The following TNIK variants were observed in gnomAD, a reference collection of about 807,000 sequenced individuals.
TNIK encodes TRAF2 and NCK-interacting protein kinase.
In TNIK, 49 loss-of-function variants were observed where a neutral mutation model predicts 191.3. The observed-to-expected ratio is 0.26, with a 90% CI of 0.20 to 0.32. TNIK has a LOEUF of 0.32. Among genes scored for constraint, TNIK ranks in the 10% least tolerant of loss-of-function variants. TNIK has a pLI of 1.00. For synonymous variants in TNIK, 594 were observed against 600.9 expected (o/e 0.99, Z 0.17); for missense variants, 1,155 against 1,702.3 (o/e 0.68, Z 5.66).
chr3:171,316,051 C>T (rs910200341), intron 2 of TNIK, among the ~76,000 whole-genome samples: 1 of 152,022 alleles, frequency 6.6e-6, no homozygotes, highest in Non-Finnish European at 1.5e-5. Context: ...AGCCTAGAGA[C>T]AGAGACCCAT....
In TNIK at chr3:171,431,892, C is replaced by T. The variant is rs891481587; in HGVS notation, c.57+28115G>A. The stretch of plus-strand genomic sequence containing the variant: ...GGCAAATCCCAAGACTAGTTAATTA[C>T]CTCTTTTTGAGAATGCATACACAGA... On this transcript the variant is annotated intron_variant, in intron 1 of 32. Transcript: ENST00000436636. Among the ~76,000 whole-genome samples, 5 of 152,230 alleles carry T rather than the reference C, an allele frequency of 3.3e-5. 1 individual carries two copies. The highest frequency in any genetic ancestry group is 2.0e-4 in the Admixed American group (3 of 15,270).
At chr3:171,380,048 C>T (rs1213027087) in intron 1 of TNIK, among the ~76,000 whole-genome samples, 1 of 151,436 alleles carries the variant, frequency 6.6e-6, no homozygotes, top group South Asian at 2.1e-4. Flanking sequence ...CACACACACA[C>T]ACACACACAC....
chr3:171,341,965 C>A (rs1757579234), intron 2 of TNIK, among the ~76,000 whole-genome samples: 1 of 152,152 alleles, frequency 6.6e-6, no homozygotes, highest in African/African-American at 2.4e-5. Flanking sequence ...CATGTATTTT[C>A]AAGATGTTTT....
At chr3:171,294,315 T>G (rs146188556) in intron 2 of TNIK, among the ~76,000 whole-genome samples, 5 of 152,144 alleles carry the variant, frequency 3.3e-5, no homozygotes, top group African/African-American at 1.2e-4. Context: ...CCTAGATACT[T>G]CAGGAGGCTG....
At chr3:171,433,850 T>C (rs1725667502) in intron 1 of TNIK, among the ~76,000 whole-genome samples, 1 of 151,768 alleles carries the variant, frequency 6.6e-6, no homozygotes, top group Non-Finnish European at 1.5e-5. Flanking sequence ...TTTTTCTTCA[T>C]ATAAGTCCTG....
chr3:171,343,203 G>A (rs1317452257), intron 2 of TNIK, among the ~76,000 whole-genome samples: 2 of 152,176 alleles, frequency 1.3e-5, no homozygotes. Context: ...AGCATGGAGA[G>A]GGGTGAGCCG....
At chr3:171,211,304 C>T in intron 3 of TNIK, 63 bp from the exon 4 acceptor site, 1 of 1,516,050 alleles carries the variant, frequency 6.6e-7, no homozygotes, top group Admixed American at 2.2e-5. Flanking sequence ...GGATTCTGTT[C>T]TTCAACACCA....
At chr3:171,392,327 T>A (rs1719641627) in intron 1 of TNIK, among the ~76,000 whole-genome samples, 2 of 152,142 alleles carry the variant, frequency 1.3e-5, no homozygotes, top group Non-Finnish European at 2.9e-5. Context: ...CTGGTCACAA[T>A]GTCTAAACTG....
chr3:171,425,615 C>T (rs1004247729), intron 1 of TNIK, among the ~76,000 whole-genome samples: 2 of 152,080 alleles, frequency 1.3e-5, no homozygotes, highest in African/African-American at 4.8e-5. Flanking sequence ...CACTTGAGGT[C>T]AGGGGTTCAA....
At chr3:171,249,820 C>A (rs1746032487) in intron 2 of TNIK, among the ~76,000 whole-genome samples, 1 of 152,158 alleles carries the variant, frequency 6.6e-6, no homozygotes, top group Admixed American at 6.5e-5. Flanking sequence ...TCCAACCCAC[C>A]CAACCCAACC....
At chr3:171,340,327 G>T (rs1206849003) in intron 2 of TNIK, among the ~76,000 whole-genome samples, 4 of 152,170 alleles carry the variant, frequency 2.6e-5, no homozygotes, top group Non-Finnish European at 5.9e-5. Context: ...TAAAATGAGT[G>T]TAGTATTGTA....
At chr3:171,389,523 A>G (rs1228857666) in intron 1 of TNIK, among the ~76,000 whole-genome samples, 1 of 152,198 alleles carries the variant, frequency 6.6e-6, no homozygotes, top group East Asian at 1.9e-4. Flanking sequence ...AGCACTTGCT[A>G]TGGAAACTTT....
intron 1 of TNIK, among the ~76,000 whole-genome samples, chr3:171,410,048 T>A (rs1722184953): frequency 1.3e-5 from 2 of 152,196 alleles, no homozygotes; most frequent in Middle Eastern, 3.4e-3. Context: ...AAAATTAGAA[T>A]TCAGAAGAGA....
At chr3:171,146,387 T>C (rs1731587961) in intron 12 of TNIK, among the ~76,000 whole-genome samples, 1 of 152,256 alleles carries the variant, frequency 6.6e-6, no homozygotes, top group African/African-American at 2.4e-5. Flanking sequence ...CCATCTTTTA[T>C]ATACATCATA....
intron 7 of TNIK, among the ~76,000 whole-genome samples, chr3:171,187,716 C>A (rs745728986): frequency 6.6e-6 from 1 of 152,144 alleles, no homozygotes; most frequent in Admixed American, 6.5e-5. Flanking sequence ...GAGAGGATTG[C>A]TAACCCGGTG....
intron 1 of TNIK, among the ~76,000 whole-genome samples, chr3:171,433,648 G>T (rs975976601): frequency 6.6e-6 from 1 of 151,818 alleles, no homozygotes; most frequent in Non-Finnish European, 1.5e-5. Context: ...AGATTAAAAA[G>T]CTATTCTTAT....
Position 171,157,547 on chromosome 3 carries a change from C to T in TNIK, c.1134G>A (p.Arg378=). Residue 378 remains arginine (R), a synonymous_variant, in exon 12 of 33, where the codon CGG becomes CGA. Transcript: ENST00000436636. ...GCTGCCGCTTGTGCTCCTCATTCTC[C>T]CGCTGCTGCTGCTCCAGCTGCTGCC... is the stretch of plus-strand genomic sequence containing the variant. The part of the protein sequence containing the change: ...LRRQQLEQQQ[R]ENEEHKRQLL... The T allele has an allele frequency of 6.4e-7, 1 of 1,565,064 alleles. No homozygotes were observed. Among genetic ancestry groups the T allele is most frequent in the Non-Finnish European group, 8.7e-7 (1 of 1,155,084 alleles).
chr3:171,380,676 T>G (rs1717907328), intron 1 of TNIK, among the ~76,000 whole-genome samples: 2 of 150,872 alleles, frequency 1.3e-5, no homozygotes, highest in African/African-American at 2.4e-5. Flanking sequence ...TCCCCACCCC[T>G]CTTCACAATA....
chr3:171,342,822 C>A (rs980099764), intron 2 of TNIK, among the ~76,000 whole-genome samples: 3 of 152,180 alleles, frequency 2.0e-5, no homozygotes, highest in African/African-American at 4.8e-5. Context: ...CCCTAATCCC[C>A]TCATGTCATG....
Sources: gnomAD v4.1 joint callset for allele counts (sites outside exome capture counted in the v4.1 genomes callset) on GRCh38, gnomAD v4.1.1 for gene constraint, MANE v1.5 for transcripts, NCBI Gene and HGNC (gene_info 2026-07-23, HGNC 2026-07-21) for gene names.